ZMYND8: variants seen among roughly 807,000 people sequenced by gnomAD.
The protein encoded by ZMYND8 is MYND-type zinc finger-containing chromatin reader ZMYND8.
A neutral mutation model predicts 140.8 loss-of-function variants in ZMYND8; 37 were observed. The observed-to-expected ratio is 0.26, with a 90% CI of 0.20 to 0.35. The LOEUF (loss-of-function observed/expected upper bound fraction) is 0.35. ZMYND8 is among the 10% of genes least tolerant of loss of function. The pLI, the probability that ZMYND8 is intolerant of heterozygous loss-of-function variation, is 1.00. For synonymous variants in ZMYND8, 592 were observed against 597.1 expected (o/e 0.99, Z 0.12); for missense variants, 1,068 against 1,570.0 (o/e 0.68, Z 5.40).
In ZMYND8 at chr20:47,260,872, A is replaced by G. The variant is rs73910810; in HGVS notation, c.1621+1416T>C. Among the ~76,000 whole-genome samples, 358 of 152,366 alleles carry G rather than the reference A, an allele frequency of 2.3e-3. 1 individual carries two copies. Among genetic ancestry groups the G allele is most frequent in the Middle Eastern group, 0.01 (3 of 294 alleles). ...TTCCATGCCTAGAATAGTGCACAGC[A>G]CATAATAGATGTTCAAGAAAAATCA... On this transcript the variant is annotated intron_variant, in intron 12 of 22. Transcript: ENST00000471951.
chr20:47,294,371 C>A (rs868275661), intron 5 of ZMYND8, among the ~76,000 whole-genome samples: 1,511 of 145,086 alleles, frequency 0.01, 11 homozygotes, highest in Non-Finnish European at 0.015. Flanking sequence ...AACAAACAAA[C>A]AAAAAAAAAA....
At position 47,210,594 on chromosome 20, in the gene ZMYND8, GGT is replaced by G; in HGVS notation, c.*165_*166del. 1 of 952,028 alleles carries G rather than the reference GGT, an allele frequency of 1.1e-6. No homozygotes were observed. The allele number at this position is 952,028 out of a possible 1,614,324, so 59.0% of individuals were successfully genotyped here. A position where few individuals can be genotyped will look rare whatever the true frequency, so the allele number is the denominator to read the frequency against. On this transcript the variant is annotated 3_prime_UTR_variant, in exon 23 of 23. Coordinates refer to ENST00000471951, the MANE Select transcript of ZMYND8 (RefSeq NM_001281775.3). ...CAGTCTGCAGTCAAAGCCGATGCTGGGTGTCCTGTAGTGTAGCAGCCCCCGCG... is the reference window on the plus strand; with the variant it reads ...CAGTCTGCAGTCAAAGCCGATGCTGGGTCCTGTAGTGTAGCAGCCCCCGCG...
At chr20:47,342,517 C>T (rs1041901809) in intron 2 of ZMYND8, among the ~76,000 whole-genome samples, 3 of 150,328 alleles carry the variant, frequency 2.0e-5, no homozygotes, top group African/African-American at 7.4e-5. Context: ...AACTGCACTC[C>T]AGCCTGGGAG....
At position 47,209,818 on chromosome 20, in the gene ZMYND8, AAAT is replaced by A. The variant is rs903440181; in HGVS notation, c.*940_*942del. On this transcript the variant is annotated 3_prime_UTR_variant, in exon 23 of 23. Coordinates refer to ENST00000471951, the MANE Select transcript of ZMYND8 (RefSeq NM_001281775.3). ...ATAAAAACGTGAAATTCCATCATATAAATAATACGTACATGCTTCATCCCAGAC... is the reference window on the plus strand; with the variant it reads ...ATAAAAACGTGAAATTCCATCATATAAATACGTACATGCTTCATCCCAGAC... The A allele has an allele frequency of 2.6e-5, 4 of 152,606 alleles. No homozygotes were observed. The highest frequency in any genetic ancestry group is 5.9e-5 in the Non-Finnish European group (4 of 68,034). The allele number at this position is 152,606 out of a possible 1,614,324, so 9.5% of individuals were successfully genotyped here. A position where few individuals can be genotyped will look rare whatever the true frequency, so the allele number is the denominator to read the frequency against.
intron 1 of ZMYND8, among the ~76,000 whole-genome samples, chr20:47,355,173 T>C (rs943396646): frequency 1.3e-5 from 2 of 152,082 alleles, no homozygotes; most frequent in Admixed American, 6.6e-5. Flanking sequence ...ACAAACCCCA[T>C]TAAAGGTCTA....
Position 47,310,085 on chromosome 20 carries a change from C to T in ZMYND8, c.205G>A (p.Gly69Ser). 1 of 1,614,172 alleles carries T rather than the reference C, an allele frequency of 6.2e-7. No individual in the cohort carries two copies. The highest frequency in any genetic ancestry group is 8.5e-7 in the Non-Finnish European group (1 of 1,180,022). ...TSPIKKKKKP[G>S]LLNSNNKEQS... ...TCCTTATTGTTACTGTTCAGTAAGC[C>T]AGGTTTCTTTTTCTTTTTAATGGGG... The change falls in exon 3 of 23, where the codon GGC becomes AGC. Residue 69 changes from glycine (G) to serine (S), a missense_variant. Gly to Ser is a moderately conservative substitution (Grantham distance 56, BLOSUM62 0). Transcript: ENST00000471951.
In ZMYND8 at chr20:47,337,506, TAATA is replaced by T. The variant is rs555318397; in HGVS notation, c.85+10346_85+10349del. Among the ~76,000 whole-genome samples the T allele has an allele frequency of 1.2e-3, 188 of 152,132 alleles. 2 individuals are homozygous for T. The highest frequency in any genetic ancestry group is 4.3e-3 in the African/African-American group (180 of 41,518). On this transcript the variant is annotated intron_variant, in intron 2 of 22. Coordinates refer to ENST00000471951, the MANE Select transcript of ZMYND8 (RefSeq NM_001281775.3). Reference sequence around the variant, plus strand: ...ACACGGCAATAACCCTCTATATAATTAATAAATAAATAAAGATAAAACCTGACCC... The same window carrying T: ...ACACGGCAATAACCCTCTATATAATTAATAAATAAAGATAAAACCTGACCC...
At chr20:47,344,601 C>T (rs1325478052) in intron 2 of ZMYND8, among the ~76,000 whole-genome samples, 1 of 152,046 alleles carries the variant, frequency 6.6e-6, no homozygotes, top group Admixed American at 6.5e-5. Flanking sequence ...TGTGGGAAAC[C>T]GAAGGAAATC....
intron 11 of ZMYND8, among the ~76,000 whole-genome samples, chr20:47,271,508 T>C (rs995788344): frequency 3.9e-5 from 6 of 152,194 alleles, no homozygotes; most frequent in Non-Finnish European, 8.8e-5. Context: ...TATGTCTGCT[T>C]TCATTCATCC....
At chr20:47,351,628 C>A (rs1420902386) in intron 1 of ZMYND8, 1 of 972,760 alleles carries the variant, frequency 1.0e-6, no homozygotes, top group South Asian at 4.8e-5. Context: ...AAAAACCATG[C>A]TTCCCTAAAT....
At chr20:47,240,798 T>G (rs1568962559) in intron 14 of ZMYND8, among the ~76,000 whole-genome samples, 1 of 151,144 alleles carries the variant, frequency 6.6e-6, no homozygotes, top group African/African-American at 2.4e-5. Flanking sequence ...TCATGATCCA[T>G]CCGCCTTGGC....
At chr20:47,342,952 T>G (rs1456288414) in intron 2 of ZMYND8, among the ~76,000 whole-genome samples, 1 of 151,248 alleles carries the variant, frequency 6.6e-6, no homozygotes, top group Non-Finnish European at 1.5e-5. Context: ...GAACATCTTA[T>G]AGTGCCAGAA....
At chr20:47,355,940 G>T (rs183098455) in intron 1 of ZMYND8, among the ~76,000 whole-genome samples, 310 of 151,656 alleles carry the variant, frequency 2.0e-3, no homozygotes, top group Admixed American at 5.3e-3. Flanking sequence ...AGAACACTCT[G>T]TAGCAACCTA....
intron 11 of ZMYND8, among the ~76,000 whole-genome samples, chr20:47,262,707 C>T (rs1007779061): frequency 2.6e-5 from 4 of 152,282 alleles, no homozygotes; most frequent in South Asian, 2.1e-4. Context: ...GGCTAAGCTG[C>T]CACTGAAATT....
At chr20:47,281,588 G>T (rs2076609060) in intron 10 of ZMYND8, among the ~76,000 whole-genome samples, 1 of 152,156 alleles carries the variant, frequency 6.6e-6, no homozygotes, top group Non-Finnish European at 1.5e-5. Flanking sequence ...GGGCAGGAAG[G>T]CTGGGAGGGA....
At chr20:47,266,998 A>G (rs2075575509) in intron 11 of ZMYND8, among the ~76,000 whole-genome samples, 1 of 152,244 alleles carries the variant, frequency 6.6e-6, no homozygotes, top group Non-Finnish European at 1.5e-5. Flanking sequence ...CAAGAGGTAG[A>G]AACAACTGAC....
chr20:47,285,338 C>T (rs527503526), intron 8 of ZMYND8, among the ~76,000 whole-genome samples: 1 of 152,300 alleles, frequency 6.6e-6, no homozygotes, highest in Non-Finnish European at 1.5e-5. Flanking sequence ...CACAGGTCAG[C>T]GAGTAAGTAA....
At chr20:47,354,688 G>A (rs2083076111) in intron 1 of ZMYND8, 1 of 152,174 alleles carries the variant, frequency 6.6e-6, no homozygotes, top group Non-Finnish European at 1.5e-5. Context: ...CCATAAAGTT[G>A]ACATAACACA....
intron 3 of ZMYND8, among the ~76,000 whole-genome samples, chr20:47,300,998 T>C (rs2078001689): frequency 6.6e-6 from 1 of 151,570 alleles, no homozygotes; most frequent in Admixed American, 6.6e-5. Context: ...TATTAAGAGG[T>C]TTTACTGTTC....
Sources: gnomAD v4.1 joint callset for allele counts (sites outside exome capture counted in the v4.1 genomes callset) on GRCh38, gnomAD v4.1.1 for gene constraint, MANE v1.5 for transcripts, NCBI Gene and HGNC (gene_info 2026-07-23, HGNC 2026-07-21) for gene names.